The following ANXA4 variants were observed in gnomAD, a reference collection of about 807,000 sequenced individuals.
ANXA4 encodes the protein 35-beta calcimedin.
A neutral mutation model predicts 49.8 loss-of-function variants in ANXA4; 39 were observed. The observed-to-expected ratio is 0.78, with a 90% confidence interval of 0.61 to 1.02. ANXA4 has a LOEUF of 1.02. Among genes scored for constraint, ANXA4 ranks in the 50% least tolerant of loss-of-function variants. The pLI is 0.00. For synonymous variants in ANXA4, 134 were observed against 152.5 expected, an observed-to-expected ratio of 0.88 and a Z score of 0.89; for missense variants, 360 against 410.1, an observed-to-expected ratio of 0.88 and a Z score of 1.05.
upstream of ANXA4, among the ~76,000 whole-genome samples, chr2:69,737,341 A>C (rs1158711574): frequency 6.6e-6 from 1 of 152,140 alleles, no homozygotes; most frequent in Non-Finnish European, 1.5e-5. Context: ...GTGGAAATTC[A>C]TGCTCTTTAG....
intron 1 of ANXA4, among the ~76,000 whole-genome samples, chr2:69,768,016 CATACT>C (rs1671565020): frequency 6.6e-6 from 1 of 151,916 alleles, no homozygotes; most frequent in African/African-American, 2.4e-5. Flanking sequence ...CACGTATACA[CATACT>C]ATATAGTATA....
At chr2:69,671,594 A>G (rs1416932421) in intron 2 of ANXA4, among the ~76,000 whole-genome samples, 1 of 152,178 alleles carries the variant, frequency 6.6e-6, no homozygotes, top group Non-Finnish European at 1.5e-5. Context: ...GTAGTGGCGC[A>G]TGCCTGTAAT....
intron 1 of ANXA4, among the ~76,000 whole-genome samples, chr2:69,748,611 G>C (rs1191067678): frequency 6.7e-6 from 1 of 149,130 alleles, no homozygotes; most frequent in Non-Finnish European, 1.5e-5. Flanking sequence ...ATATTTTATG[G>C]GGGAATATTC....
chr2:69,685,451 G>T (rs1262124986), intron 2 of ANXA4, among the ~76,000 whole-genome samples: 3 of 152,182 alleles, frequency 2.0e-5, no homozygotes, highest in African/African-American at 7.2e-5. Flanking sequence ...ACGCACAGGT[G>T]CTGGCTAACA....
intron 1 of ANXA4, among the ~76,000 whole-genome samples, chr2:69,774,556 T>A (rs1295627546): frequency 6.6e-6 from 1 of 151,396 alleles, no homozygotes; most frequent in Non-Finnish European, 1.5e-5. Flanking sequence ...GCCAGGCTGG[T>A]CTCAAACTCC....
In ANXA4 at chr2:69,808,061, G is replaced by T. The variant is rs150937606; in HGVS notation, c.397+65G>T. The T allele has an allele frequency of 1.1e-5, 16 of 1,494,110 alleles. No individual in the cohort carries two copies. In the African/African-American group the frequency reaches 2.1e-4, roughly 19 times the overall value. 92.6% of individuals were successfully genotyped at this position (1,494,110 alleles called of 1,614,324 possible). ...GTGATTAGAGAATGAGGGTAGCAGC[G>T]GGTTGTTGTTTGCTGATTAGACTTT... is the stretch of plus-strand genomic sequence containing the variant. On this transcript the variant is annotated intron_variant, in intron 6 of 12. Transcript: ENST00000394295.
At chr2:69,761,564 T>C (rs2105525191) in intron 1 of ANXA4, among the ~76,000 whole-genome samples, 3 of 152,326 alleles carry the variant, frequency 2.0e-5, no homozygotes, top group East Asian at 3.9e-4. Flanking sequence ...TTCTTTACTG[T>C]GCCAGCCGTG....
chr2:69,820,110 A>G (rs998586771), intron 11 of ANXA4, among the ~76,000 whole-genome samples: 2 of 151,980 alleles, frequency 1.3e-5, no homozygotes, highest in Non-Finnish European at 2.9e-5. Flanking sequence ...AACAACAACA[A>G]AAATGTAGAC....
At chr2:69,707,249 T>C (rs1245409982) in intron 2 of ANXA4, among the ~76,000 whole-genome samples, 2 of 152,338 alleles carry the variant, frequency 1.3e-5, no homozygotes, top group South Asian at 2.1e-4. Flanking sequence ...TTTTGGAAAG[T>C]AGGTCTCGGC....
chr2:69,780,986 C>A (rs1001083107), intron 1 of ANXA4, among the ~76,000 whole-genome samples: 1 of 152,136 alleles, frequency 6.6e-6, no homozygotes, highest in Admixed American at 6.5e-5. Context: ...GGAAGAAAAT[C>A]TTTAATCCTA....
intron 2 of ANXA4, among the ~76,000 whole-genome samples, chr2:69,660,291 C>T (rs1676663948): frequency 6.6e-6 from 1 of 152,054 alleles, no homozygotes; most frequent in South Asian, 2.1e-4. Context: ...TGATTCTGGG[C>T]CAATGGTAAA....
At chr2:69,697,325 C>T (rs1188709460) in intron 2 of ANXA4, among the ~76,000 whole-genome samples, 1 of 152,202 alleles carries the variant, frequency 6.6e-6, no homozygotes, top group African/African-American at 2.4e-5. Context: ...TCTGCAGCTT[C>T]CTTACGTCTC....
At chr2:69,816,433 T>C (rs1251456251) in intron 9 of ANXA4, 1 of 379,654 alleles carries the variant, frequency 2.6e-6, no homozygotes. Context: ...TTTGGCATTC[T>C]TGTTTCTAGG....
intron 2 of ANXA4, among the ~76,000 whole-genome samples, chr2:69,663,062 C>T (rs1333585272): frequency 6.8e-6 from 1 of 146,228 alleles, no homozygotes; most frequent in East Asian, 2.1e-4. Context: ...GCATGATCTC[C>T]ACTCACTGCA....
intron 8 of ANXA4, chr2:69,815,878 C>T: frequency 1.9e-6 from 1 of 523,648 alleles, no homozygotes; most frequent in Non-Finnish European, 3.4e-6. Context: ...AGCTAGGGAA[C>T]TGCTAGTGTT....
chr2:69,678,503 C>A (rs1249753761), intron 2 of ANXA4, among the ~76,000 whole-genome samples: 1 of 150,444 alleles, frequency 6.6e-6, no homozygotes, highest in Non-Finnish European at 1.5e-5. Flanking sequence ...AGGAGATACT[C>A]CCACCTCAGC....
intron 12 of ANXA4, among the ~76,000 whole-genome samples, chr2:69,822,362 A>G (rs2103901016): frequency 6.6e-6 from 1 of 152,274 alleles, no homozygotes; most frequent in African/African-American, 2.4e-5. Flanking sequence ...ATCCCAAAAA[A>G]GAAAAAGAAA....
chr2:69,725,438 T>C (rs1307850577), intron 3 of ANXA4, among the ~76,000 whole-genome samples: 4 of 150,200 alleles, frequency 2.7e-5, no homozygotes, highest in Non-Finnish European at 5.9e-5. Flanking sequence ...ATTGTATATT[T>C]ATTTAAATAT....
intron 3 of ANXA4, among the ~76,000 whole-genome samples, chr2:69,802,762 T>TG (rs1361404845): frequency 1.3e-5 from 2 of 151,208 alleles, no homozygotes; most frequent in Non-Finnish European, 2.9e-5. Flanking sequence ...TTGGCTTGAC[T>TG]GGGGGGAAGA....
Sources: gnomAD v4.1 joint callset for allele counts (sites outside exome capture counted in the v4.1 genomes callset) on GRCh38, gnomAD v4.1.1 for gene constraint, MANE v1.5 for transcripts, NCBI Gene and HGNC (gene_info 2026-07-23, HGNC 2026-07-21) for gene names.